FSTL5: variants seen among roughly 807,000 people sequenced by gnomAD.
The protein encoded by FSTL5 is follistatin-related protein 5.
Under a neutral mutation model 89.1 loss-of-function variants are expected in FSTL5, and 62 were observed. The observed-to-expected ratio is 0.70, with a 90% CI of 0.57 to 0.86. FSTL5 has a LOEUF of 0.86. Ranked by LOEUF, FSTL5 falls within the 40% of genes least tolerant of loss-of-function variation. The pLI, the probability that FSTL5 is intolerant of heterozygous loss-of-function variation, is 0.00. For synonymous variants in FSTL5, 383 were observed against 346.2 expected (o/e 1.11, Z -1.18); for missense variants, 1,057 against 1,001.6 (o/e 1.06, Z -0.75).
At chr4:162,090,530 C>A (rs1481488595) in intron 2 of FSTL5, among the ~76,000 whole-genome samples, 3 of 152,014 alleles carry the variant, frequency 2.0e-5, no homozygotes, top group Non-Finnish European at 2.9e-5. Flanking sequence ...CCATCAAAAC[C>A]ACAATCAAGG....
chr4:161,864,956 T>C (rs1732034665), intron 4 of FSTL5, among the ~76,000 whole-genome samples: 1 of 151,198 alleles, frequency 6.6e-6, no homozygotes. Context: ...TAGTGAACTA[T>C]CTTGGAATAG....
intron 3 of FSTL5, among the ~76,000 whole-genome samples, chr4:161,964,207 T>C (rs1462284128): frequency 6.6e-6 from 1 of 151,960 alleles, no homozygotes; most frequent in Admixed American, 6.6e-5. Flanking sequence ...TCTGAGAGTA[T>C]GTTCTGGATT....
chr4:161,599,365 C>A (rs879397332), intron 7 of FSTL5, among the ~76,000 whole-genome samples: 2 of 152,036 alleles, frequency 1.3e-5, no homozygotes, highest in African/African-American at 2.4e-5. Context: ...ATTGGCAAAA[C>A]CAATCTGTAA....
intron 7 of FSTL5, among the ~76,000 whole-genome samples, chr4:161,590,347 C>G (rs762870047): frequency 6.6e-6 from 1 of 151,922 alleles, no homozygotes; most frequent in South Asian, 2.1e-4. Context: ...GAGACCAGCC[C>G]GGCCAACATG....
intron 2 of FSTL5, among the ~76,000 whole-genome samples, chr4:162,058,719 G>A (rs1005702331): frequency 6.6e-6 from 1 of 151,900 alleles, no homozygotes; most frequent in African/African-American, 2.4e-5. Flanking sequence ...GTGAGCCATC[G>A]TGCCTGGCAG....
chr4:162,078,624 C>A (rs1228393364), intron 2 of FSTL5, among the ~76,000 whole-genome samples: 1 of 151,830 alleles, frequency 6.6e-6, no homozygotes, highest in Admixed American at 6.6e-5. Context: ...CCTTCAGCTT[C>A]AAGTTTTGTT....
chr4:161,462,091 T>C (rs572578290), intron 13 of FSTL5, among the ~76,000 whole-genome samples: 20 of 152,324 alleles, frequency 1.3e-4, no homozygotes, highest in Admixed American at 3.3e-4. Context: ...TATTATCTTA[T>C]AGAGACATAC....
At position 161,891,131 on chromosome 4, in the gene FSTL5, T is replaced by C. The variant is rs1444672140; in HGVS notation, c.409+29273A>G. On this transcript the variant is annotated intron_variant, in intron 4 of 15. Coordinates refer to ENST00000306100, the MANE Select transcript of FSTL5 (RefSeq NM_020116.5). ...ATTATTTGTATTTCCAGTTGTCAAC[T>C]ATGTATCTTGCTGCTTCTGAAGTAT... Among the ~76,000 whole-genome samples, 8 of 152,196 alleles carry C rather than the reference T, an allele frequency of 5.3e-5. 1 individual carries two copies. The highest frequency in any genetic ancestry group is 2.6e-4 in the Admixed American group (4 of 15,274).
At chr4:161,781,220 T>C (rs543784171) in intron 4 of FSTL5, among the ~76,000 whole-genome samples, 1 of 152,148 alleles carries the variant, frequency 6.6e-6, no homozygotes, top group South Asian at 2.1e-4. Flanking sequence ...TATGCATATA[T>C]GAATCAAATT....
At chr4:161,428,806 G>A (rs1388286814) in intron 15 of FSTL5, among the ~76,000 whole-genome samples, 3 of 152,114 alleles carry the variant, frequency 2.0e-5, no homozygotes, top group Non-Finnish European at 4.4e-5. Context: ...CCCAGCTGTG[G>A]TGCCTACAGG....
intron 1 of FSTL5, among the ~76,000 whole-genome samples, chr4:162,132,137 T>G (rs1018585004): frequency 6.6e-6 from 1 of 152,220 alleles, no homozygotes; most frequent in African/African-American, 2.4e-5. Flanking sequence ...CTATGCAGCA[T>G]TCTTAAAACA....
At chr4:161,455,180 A>G in intron 14 of FSTL5, 52 bp from the exon 15 acceptor site, 1 of 1,410,204 alleles carries the variant, frequency 7.1e-7, no homozygotes, top group East Asian at 2.5e-5. Context: ...ACTTCATAGT[A>G]TAAGCTTTAA....
chr4:161,972,623 T>A (rs749458996), intron 3 of FSTL5, among the ~76,000 whole-genome samples: 2 of 152,146 alleles, frequency 1.3e-5, no homozygotes, highest in Non-Finnish European at 2.9e-5. Context: ...AATAACCAAC[T>A]GAGCCAGTAA....
At chr4:161,623,714 G>T (rs1463889184) in intron 7 of FSTL5, among the ~76,000 whole-genome samples, 1 of 151,440 alleles carries the variant, frequency 6.6e-6, no homozygotes, top group Admixed American at 6.6e-5. Context: ...ACTATTTCTG[G>T]CATGATATGA....
intron 4 of FSTL5, among the ~76,000 whole-genome samples, chr4:161,829,314 A>G (rs1730769973): frequency 6.6e-6 from 1 of 151,106 alleles, no homozygotes; most frequent in African/African-American, 2.4e-5. Flanking sequence ...ATATTAAACT[A>G]TTTCCTTTTA....
At chr4:161,935,707 C>G (rs1734413815) in intron 3 of FSTL5, among the ~76,000 whole-genome samples, 1 of 152,040 alleles carries the variant, frequency 6.6e-6, no homozygotes, top group East Asian at 1.9e-4. Flanking sequence ...CCTTTTTGTT[C>G]TTTCTCATGG....
At chr4:161,754,832 T>C (rs1740518081) in intron 6 of FSTL5, among the ~76,000 whole-genome samples, 1 of 152,256 alleles carries the variant, frequency 6.6e-6, no homozygotes, top group South Asian at 2.1e-4. Context: ...CAGATTTAAA[T>C]CAGAAGTATA....
chr4:161,949,194 G>A (rs1425189642), intron 3 of FSTL5, among the ~76,000 whole-genome samples: 1 of 151,954 alleles, frequency 6.6e-6, no homozygotes. Flanking sequence ...TTCTCCTTTG[G>A]CTGTCATTCT....
chr4:161,574,267 T>G (rs1733132304), intron 8 of FSTL5, among the ~76,000 whole-genome samples: 1 of 152,110 alleles, frequency 6.6e-6, no homozygotes, highest in South Asian at 2.1e-4. Flanking sequence ...GGAGAGAATA[T>G]TCACCTGACC....
Sources: gnomAD v4.1 joint callset for allele counts (sites outside exome capture counted in the v4.1 genomes callset) on GRCh38, gnomAD v4.1.1 for gene constraint, MANE v1.5 for transcripts, NCBI Gene and HGNC (gene_info 2026-07-23, HGNC 2026-07-21) for gene names.